FAM20A: variants seen among roughly 807,000 people sequenced by gnomAD.
FAM20A encodes FAM20A golgi associated secretory pathway pseudokinase, also known as pseudokinase FAM20A.
FAM20A carries 42 observed loss-of-function variants against 52.0 expected under a neutral mutation model. That is an observed-to-expected ratio of 0.81 (90% confidence interval 0.63 to 1.04). The LOEUF (loss-of-function observed/expected upper bound fraction) is 1.04, where lower values mean the gene tolerates loss of function less well. FAM20A is among the 50% of genes least tolerant of loss of function. The pLI is 0.00. For synonymous variants in FAM20A, 304 were observed against 298.9 expected, an observed-to-expected ratio of 1.02 and a Z score of -0.18; for missense variants, 742 against 712.7, an observed-to-expected ratio of 1.04 and a Z score of -0.47.
At chr17:68,542,576 C>G in intron 6 of FAM20A, 118 bp downstream of exon 6, 1 of 806,238 alleles carries the variant, frequency 1.2e-6, no homozygotes, top group Non-Finnish European at 2.2e-6. Flanking sequence ...CTTCATACGC[C>G]CATCCCAGTA....
chr17:68,551,507 G>C (rs554901149), intron 4 of FAM20A, among the ~76,000 whole-genome samples: 32 of 152,134 alleles, frequency 2.1e-4, no homozygotes, highest in African/African-American at 7.7e-4. Context: ...TGGGTCTGCT[G>C]TTTGCAGCTG....
chr17:68,558,442 C>T, intron 1 of FAM20A: 2 of 362,570 alleles, frequency 5.5e-6, no homozygotes, highest in Non-Finnish European at 1.1e-5. Flanking sequence ...GTGGGTCCCT[C>T]ATGAATGGCT....
intron 3 of FAM20A, among the ~76,000 whole-genome samples, chr17:68,552,666 C>CTTTTTTTTTTTTTT (rs576230517): frequency 3.0e-5 from 2 of 66,844 alleles, no homozygotes; most frequent in African/African-American, 9.7e-5. Flanking sequence ...CTTTATTTTC[C>CTTTTTTTTTTTTTT]TTTTTTTTTT....
intron 4 of FAM20A, among the ~76,000 whole-genome samples, chr17:68,546,747 G>T (rs531534531): frequency 1.9e-3 from 286 of 151,116 alleles, no homozygotes; most frequent in African/African-American, 6.7e-3. Flanking sequence ...GGAGAATGGC[G>T]TGAACCCGGG....
rs761848944 is a variant in FAM20A, at chr17:68,539,908, A to G, written c.1278T>C (p.Leu426=). ...MFTKFGDDGF[L]IHLDNARGFG... ...ACCCTCTGGCGTTGTCAAGGTGAATAAGGAACCCATCATCCCCGAACTTGG... is the reference window on the plus strand; with the variant it reads ...ACCCTCTGGCGTTGTCAAGGTGAATGAGGAACCCATCATCCCCGAACTTGG... Residue 426 remains leucine (L), a synonymous_variant, in exon 9 of 11, where the codon CTT becomes CTC. Transcript: ENST00000592554. The G allele has an allele frequency of 6.8e-6, 11 of 1,614,030 alleles. No individual in the cohort carries two copies. The highest frequency in any genetic ancestry group is 1.7e-5 in the Admixed American group (1 of 60,002).
intron 5 of FAM20A, among the ~76,000 whole-genome samples, chr17:68,543,356 G>T (rs1454942180): frequency 6.6e-6 from 1 of 152,166 alleles, no homozygotes; most frequent in Non-Finnish European, 1.5e-5. Flanking sequence ...CTCAGATCAG[G>T]AAACTAGAGC....
intron 3 of FAM20A, among the ~76,000 whole-genome samples, chr17:68,554,035 CAT>C (rs1491195930): frequency 6.5e-5 from 8 of 123,168 alleles, no homozygotes; most frequent in Non-Finnish European, 1.4e-4. Context: ...TATATACACA[CAT>C]GCATATATAC....
intron 1 of FAM20A, among the ~76,000 whole-genome samples, chr17:68,573,024 C>T (rs2087609356): frequency 6.6e-6 from 1 of 152,198 alleles, no homozygotes; most frequent in African/African-American, 2.4e-5. Context: ...GGAGGCTGTC[C>T]TTCCAGCCCT....
At chr17:68,557,778 A>C (rs1165519129) in intron 1 of FAM20A, among the ~76,000 whole-genome samples, 1 of 152,146 alleles carries the variant, frequency 6.6e-6, no homozygotes, top group African/African-American at 2.4e-5. Context: ...ACCCCCATTC[A>C]TGGCGTTTTC....
At chr17:68,542,643 C>G (rs1312993417) in intron 6 of FAM20A, 51 bp downstream of exon 6, 2 of 1,417,936 alleles carry the variant, frequency 1.4e-6, no homozygotes, top group African/African-American at 2.8e-5. Context: ...GGTGGACACT[C>G]TGGCTTACGA....
At chr17:68,539,272 G>A in intron 10 of FAM20A, 65 bp downstream of exon 10, 4 of 1,553,494 alleles carry the variant, frequency 2.6e-6, no homozygotes, top group Non-Finnish European at 3.6e-6. Flanking sequence ...TCAGACCTTG[G>A]CTGCAAGCAG....
At chr17:68,586,476 G>T (rs1416068013) in intron 1 of FAM20A, among the ~76,000 whole-genome samples, 1 of 152,166 alleles carries the variant, frequency 6.6e-6, no homozygotes, top group African/African-American at 2.4e-5. Flanking sequence ...AGATCATCTT[G>T]AATCATTTAG....
chr17:68,585,704 A>G (rs1242612566), intron 1 of FAM20A, among the ~76,000 whole-genome samples: 1 of 152,144 alleles, frequency 6.6e-6, no homozygotes, highest in East Asian at 1.9e-4. Context: ...AGCCTCAGCA[A>G]TTTAAATTCT....
At chr17:68,557,761 A>C (rs906587407) in intron 1 of FAM20A, among the ~76,000 whole-genome samples, 4 of 152,340 alleles carry the variant, frequency 2.6e-5, no homozygotes, top group African/African-American at 9.6e-5. Context: ...AGAATACGGT[A>C]ATCACCACCC....
chr17:68,549,175 G>T (rs1359476014), intron 4 of FAM20A, among the ~76,000 whole-genome samples: 1 of 152,176 alleles, frequency 6.6e-6, no homozygotes, highest in African/African-American at 2.4e-5. Context: ...CTCATCCATT[G>T]CATATTAGCT....
chr17:68,579,023 A>AAC (rs1461735728), intron 1 of FAM20A, among the ~76,000 whole-genome samples: 1 of 151,526 alleles, frequency 6.6e-6, no homozygotes, highest in Non-Finnish European at 1.5e-5. Flanking sequence ...CAAAAAAAAA[A>AAC]AAAAAACATG....
intron 6 of FAM20A, among the ~76,000 whole-genome samples, chr17:68,542,373 C>T (rs529891184): frequency 4.6e-5 from 7 of 152,288 alleles, no homozygotes; most frequent in Admixed American, 3.9e-4. Context: ...TTTCAAATGT[C>T]CCAACCTTAC....
Position 68,600,490 on chromosome 17 carries a change from T to G in FAM20A, c.177A>C (p.Ala59=). ...RASSLARDSA[A]AASDPGTIVH... ...CGATCGTGCCGGGGTCCGAGGCAGC[T>G]GCGGCCGAGTCCCGCGCCAGGGAGG... Residue 59 remains alanine, a synonymous_variant, in exon 1 of 11, where the codon GCA becomes GCC. Transcript: ENST00000592554. This position sits in a 1 kb window ranked among gnomAD's most constrained non-coding sequence, Gnocchi z 6.2. 6.3e-7 allele frequency: 1 copy of G among 1,596,644 alleles called. No individual in the cohort carries two copies. The highest frequency in any genetic ancestry group is 8.5e-7 in the Non-Finnish European group (1 of 1,172,230).
chr17:68,563,053 C>T (rs946947877), intron 1 of FAM20A, among the ~76,000 whole-genome samples: 2 of 152,156 alleles, frequency 1.3e-5, no homozygotes, highest in Non-Finnish European at 2.9e-5. Flanking sequence ...GATCCCTTTC[C>T]TCCAGCTGGT....
Sources: gnomAD v4.1 joint callset for allele counts (sites outside exome capture counted in the v4.1 genomes callset) on GRCh38, gnomAD v4.1.1 for gene constraint, Gnocchi (gnomAD v3.1) non-coding constraint, MANE v1.5 for transcripts, NCBI Gene and HGNC (gene_info 2026-07-23, HGNC 2026-07-21) for gene names.